LCT: variants seen among roughly 807,000 people sequenced by gnomAD.
LCT encodes the protein lactase/phlorizin hydrolase.
LCT carries 90 observed loss-of-function variants against 173.0 expected under a neutral mutation model. The ratio of observed to expected loss-of-function variants is 0.52; its 90% CI spans 0.44 to 0.62. The LOEUF (loss-of-function observed/expected upper bound fraction) is 0.62, where lower values mean the gene tolerates loss of function less well. LCT is among the 20% of genes least tolerant of loss of function. The pLI, the probability that LCT is intolerant of heterozygous loss-of-function variation, is 0.00. For missense variants in LCT, 1,864 were observed against 2,431.4 expected, an observed-to-expected ratio of 0.77 and a Z score of 4.91; for synonymous variants, 853 against 957.6, an observed-to-expected ratio of 0.89 and a Z score of 2.02.
Position 135,817,577 on chromosome 2 carries a change from G to A in LCT, c.1471C>T (p.Pro491Ser). 6.2e-7 allele frequency: 1 copy of A among 1,614,148 alleles called. No individual in the cohort carries two copies. Among genetic ancestry groups the A allele is most frequent in the Non-Finnish European group, 8.5e-7 (1 of 1,180,024 alleles). ...TCCCAGTGGAACAGCGTGGCCATGG[G>A]CTCGATGCCCGCATCCTGTAGCCTG... is the stretch of plus-strand genomic sequence containing the variant. ...IDRLQDAGIEPMATLFHWDLP... is the reference protein window; with the variant it reads ...IDRLQDAGIESMATLFHWDLP... Residue 491 changes from proline to serine, a missense_variant, in exon 6 of 17, where the codon CCC (proline) becomes TCC (serine). Pro to Ser is a moderately conservative substitution (Grantham distance 74). Transcript: ENST00000264162.
intron 4 of LCT, chr2:135,822,906 G>A (rs2077848145): frequency 6.6e-6 from 1 of 152,360 alleles, no homozygotes; most frequent in African/African-American, 2.4e-5. Flanking sequence ...CCATACAGTG[G>A]TTGTTATAAA....
At position 135,833,220 on chromosome 2, in the gene LCT, G is replaced by A. The variant is rs754442095; in HGVS notation, c.641-30C>T. On this transcript the variant is annotated intron_variant, in intron 1 of 16. Transcript: ENST00000264162. ...AACCAACCAGAGACACGAACAGCAG[G>A]TGAGCGAGGGCAGGAGGCTCTGACT... 4.6e-6 allele frequency: 7 copies of A among 1,535,968 alleles called. 1 individual carries two copies. The highest frequency in any genetic ancestry group is 1.7e-4 in the Middle Eastern group (1 of 5,848).
chr2:135,836,163 C>G (rs925471740), intron 1 of LCT, among the ~76,000 whole-genome samples: 1 of 151,606 alleles, frequency 6.6e-6, no homozygotes, highest in Non-Finnish European at 1.5e-5. Flanking sequence ...GGATCACAGG[C>G]GCCTGCTACC....
chr2:135,799,910 T>A (rs948299864), intron 12 of LCT, among the ~76,000 whole-genome samples: 1 of 152,326 alleles, frequency 6.6e-6, no homozygotes, highest in East Asian at 1.9e-4. Flanking sequence ...TCAAATTAGA[T>A]GGTGACACCT....
At position 135,789,753 on chromosome 2, in the gene LCT, G is replaced by A. The variant is rs183725992; in HGVS notation, c.5381C>T (p.Ala1794Val). The A allele has an allele frequency of 4.5e-5, 72 of 1,614,124 alleles. No homozygotes were observed. In the Admixed American group the frequency reaches 6.0e-4, roughly 13 times the overall value. ...VDLRGYTVWS[A>V]MDNFEWATGF... ...TGTGGCCCACTCAAAATTGTCCATC[G>A]CACTCCAAACTGTGTATCCTCGAAG... Residue 1794 changes from alanine (A) to valine (V), a missense_variant, in exon 16 of 17, where the codon GCG becomes GTG. By Grantham distance (64) the Ala-to-Val change is moderately conservative. Around this residue, in one of 4 missense-constraint regions of LCT, gnomAD observed 514 missense variants for 750.1 expected, o/e 0.69. Transcript: ENST00000264162.
intron 3 of LCT, among the ~76,000 whole-genome samples, chr2:135,825,788 G>T (rs1304314996): frequency 6.6e-6 from 1 of 152,196 alleles, no homozygotes; most frequent in Non-Finnish European, 1.5e-5. Context: ...ATGGGGGCAG[G>T]TGCCTGCTCC....
chr2:135,803,090 C>T (rs1481006043), intron 11 of LCT, among the ~76,000 whole-genome samples: 6 of 151,704 alleles, frequency 4.0e-5, no homozygotes, highest in African/African-American at 1.5e-4. Context: ...CCAGCGTGGC[C>T]AACAGAGCTA....
rs1223210436 is a variant in LCT at position 135,829,566 on chromosome 2, A to T, written c.804+27T>A. 4 of 1,547,924 alleles carry T rather than the reference A, an allele frequency of 2.6e-6. No homozygotes were observed. In the Admixed American group the frequency reaches 6.7e-5, roughly 26 times the overall value. ...CTCTGAAACCTTCGCTGCATTCATCATTAATGTGGAAAAGGGCTCAAATTA... is the reference window on the plus strand; with the variant it reads ...CTCTGAAACCTTCGCTGCATTCATCTTTAATGTGGAAAAGGGCTCAAATTA... On this transcript the variant is annotated intron_variant, in intron 3 of 16. Transcript: ENST00000264162.
chr2:135,823,772 G>C (rs1201602783), intron 4 of LCT, 129 bp downstream of exon 4: 1 of 722,588 alleles, frequency 1.4e-6, no homozygotes, highest in Non-Finnish European at 2.5e-6. Flanking sequence ...CCCAGTCTGG[G>C]GTGGGCTTTT....
rs115694745 is a variant in LCT at position 135,796,098 on chromosome 2, G to A, written c.4977-1323C>T. On this transcript the variant is annotated intron_variant, in intron 13 of 16. Coordinates refer to ENST00000264162, the MANE Select transcript of LCT (RefSeq NM_002299.4). ...ATGGAGCATTTTCCAGGCACTCTGA[G>A]TGAAAAGCCTCTCCTGTAGAACCTG... Among the ~76,000 whole-genome samples, 1,139 of 152,290 alleles carry A rather than the reference G, an allele frequency of 7.5e-3. 13 individuals carry two copies. The highest frequency in any genetic ancestry group is 0.026 in the African/African-American group (1,070 of 41,564).
intron 11 of LCT, among the ~76,000 whole-genome samples, 157 bp downstream of exon 11, chr2:135,803,773 A>C (rs772938198): frequency 5.3e-5 from 8 of 152,252 alleles, no homozygotes; most frequent in Non-Finnish European, 1.2e-4. Flanking sequence ...TTAACAATGC[A>C]ATGCCAGGAG....
Position 135,789,640 on chromosome 2 carries a change from C to T in LCT, c.5494G>A (p.Ala1832Thr), listed in dbSNP as rs1207320120. ...AAGCCATTGCATCGGACCACAGAGG[C>T]GTAGAACTTCGCTGATGCTTTGGGG... ...RIPKASAKFY[A>T]SVVRCNGFPD... is the part of the protein sequence containing the mutation. The change falls in exon 16 of 17, where the codon GCC becomes ACC. Residue 1832 changes from alanine (A) to threonine (T), a missense_variant. Ala to Thr is a moderately conservative substitution (Grantham distance 58, BLOSUM62 0). Transcript: ENST00000264162. The T allele has an allele frequency of 6.2e-7, 1 of 1,613,996 alleles. No individual in the cohort carries two copies. The highest frequency in any genetic ancestry group is 1.1e-5 in the South Asian group (1 of 91,070).
rs1181362382 is a variant in LCT, at chr2:135,788,291, G to A, written c.*33C>T. 2 of 1,483,576 alleles carry A rather than the reference G, an allele frequency of 1.3e-6. No individual in the cohort carries two copies. The highest frequency in any genetic ancestry group is 1.9e-6 in the Non-Finnish European group (2 of 1,065,814). The allele number at this position is 1,483,576 out of a possible 1,614,324, so 91.9% of individuals were successfully genotyped here. A position where few individuals can be genotyped will look rare whatever the true frequency, so the allele number is the denominator to read the frequency against. ...CCGGTAAACATAGATGAAGAAACTAGGCCTGCTTCATAGAACTTGAGGTGG... is the reference window on the plus strand; with the variant it reads ...CCGGTAAACATAGATGAAGAAACTAAGCCTGCTTCATAGAACTTGAGGTGG... On this transcript the variant is annotated 3_prime_UTR_variant, in exon 17 of 17. Coordinates refer to ENST00000264162, the MANE Select transcript of LCT (RefSeq NM_002299.4).
Position 135,788,160 on chromosome 2 carries a change from C to T in LCT, c.*164G>A, listed in dbSNP as rs980399409. On this transcript the variant is annotated 3_prime_UTR_variant, in exon 17 of 17. Coordinates refer to ENST00000264162, the MANE Select transcript of LCT (RefSeq NM_002299.4). ...AAGATGGAGATATTTCCATTTTACT[C>T]AGCAAGTCGAAATCATTCAAGATTA... The T allele has an allele frequency of 2.2e-5, 15 of 679,518 alleles. No homozygotes were observed. In the African/African-American group the frequency reaches 2.7e-4, roughly 12 times the overall value. 42.1% of individuals were successfully genotyped at this position (679,518 alleles called of 1,614,324 possible).
intron 7 of LCT, among the ~76,000 whole-genome samples, chr2:135,810,803 G>A (rs2077728598): frequency 6.6e-6 from 1 of 151,712 alleles, no homozygotes; most frequent in South Asian, 2.1e-4. Context: ...GAGGCAGGCG[G>A]ATCATGAGGT....
chr2:135,788,122 C>A lies in LCT; in HGVS notation c.*202G>T. On this transcript the variant is annotated 3_prime_UTR_variant, in exon 17 of 17. Coordinates refer to ENST00000264162, the MANE Select transcript of LCT (RefSeq NM_002299.4). ...TGCTTCTCAAATGCCCAAATGAACT[C>A]TGATACTGGAGCAAGATGGAGATAT... 1 of 611,258 alleles carries A rather than the reference C, an allele frequency of 1.6e-6. No individual in the cohort carries two copies. The allele number at this position is 611,258 out of a possible 1,614,324, so 37.9% of individuals were successfully genotyped here. A position where few individuals can be genotyped will look rare whatever the true frequency, so the allele number is the denominator to read the frequency against.
In LCT at chr2:135,788,386, G is replaced by A. The variant is rs138964370; in HGVS notation, c.5722C>T (p.Arg1908Cys). Reference protein sequence around the residue: ...LAFLSYKYCKRSKQGKTQRSQ... With the variant: ...LAFLSYKYCKCSKQGKTQRSQ... ...CGTTGTGTTTTCCCTTGCTTAGAGC[G>A]CTTGCAGTACTTGTATGACAGAAAT... Residue 1908 changes from arginine to cysteine, a missense_variant, in exon 17 of 17, where the codon CGC (arginine) becomes TGC (cysteine). Arg to Cys is a radical substitution (Grantham distance 180, BLOSUM62 -3). Transcript: ENST00000264162. 224 of 1,614,022 alleles carry A rather than the reference G, an allele frequency of 1.4e-4. No homozygotes were observed. Among genetic ancestry groups the A allele is most frequent in the South Asian group, 3.4e-4 (31 of 91,086 alleles).
chr2:135,797,065 A>G (rs2105522644), intron 13 of LCT, among the ~76,000 whole-genome samples: 1 of 150,642 alleles, frequency 6.6e-6, no homozygotes, highest in South Asian at 2.1e-4. Context: ...CTCTGGCCTC[A>G]GCCTCCCAAG....
At chr2:135,805,996 C>A (rs1372443246) in intron 9 of LCT, among the ~76,000 whole-genome samples, 2 of 152,024 alleles carry the variant, frequency 1.3e-5, no homozygotes, top group Admixed American at 1.3e-4. Flanking sequence ...AGCAACATAG[C>A]AAGACCCCCA....
Sources: gnomAD v4.1 joint callset for allele counts (sites outside exome capture counted in the v4.1 genomes callset) on GRCh38, gnomAD v4.1.1 for gene constraint, gnomAD v4.1.1 regional missense constraint, MANE v1.5 for transcripts, NCBI Gene and HGNC (gene_info 2026-07-23, HGNC 2026-07-21) for gene names.